The following UNC80 variants were observed in gnomAD, a reference collection of about 807,000 sequenced individuals.
UNC80 encodes protein unc-80 homolog.
A neutral mutation model predicts 384.6 loss-of-function variants in UNC80; 164 were observed. That is an observed-to-expected ratio of 0.43 (90% confidence interval 0.38 to 0.49). The LOEUF (loss-of-function observed/expected upper bound fraction) is 0.49. Ranked by LOEUF, UNC80 falls within the 20% of genes least tolerant of loss-of-function variation. The probability of loss-of-function intolerance (pLI) is 0.00; values close to 1 mark genes in which losing one functional copy is unlikely to be tolerated. For missense variants in UNC80, 3,330 were observed against 4,143.0 expected, an observed-to-expected ratio of 0.80 and a Z score of 5.39; for synonymous variants, 1,486 against 1,527.8, an observed-to-expected ratio of 0.97 and a Z score of 0.64.
intron 23 of UNC80, among the ~76,000 whole-genome samples, chr2:209,877,128 C>A (rs1042963093): frequency 1.6e-4 from 24 of 152,124 alleles, no homozygotes; most frequent in African/African-American, 5.8e-4. Context: ...TTAACTTTTT[C>A]TCTCTCACTC....
intron 7 of UNC80, among the ~76,000 whole-genome samples, chr2:209,806,691 C>T (rs2078922700): frequency 6.6e-6 from 1 of 152,228 alleles, no homozygotes; most frequent in Non-Finnish European, 1.5e-5. Context: ...CAAAAGCTGT[C>T]TGCATGTATC....
chr2:209,811,570 A>T (rs12694188), intron 7 of UNC80, among the ~76,000 whole-genome samples: 76,447 of 152,022 alleles, frequency 0.5, 20,693 homozygotes, highest in East Asian at 0.61. Context: ...CACAAAACGG[A>T]TGTCCAAAGA....
intron 27 of UNC80, among the ~76,000 whole-genome samples, chr2:209,894,992 A>C (rs1162017812): frequency 1.3e-5 from 2 of 152,218 alleles, no homozygotes; most frequent in African/African-American, 2.4e-5. Context: ...TCTTGCCTAC[A>C]ATGCAAGGAT....
intron 59 of UNC80, among the ~76,000 whole-genome samples, chr2:209,980,644 G>A (rs958053918): frequency 3.3e-5 from 5 of 152,176 alleles, no homozygotes; most frequent in African/African-American, 9.7e-5. Context: ...CTTGTATTAA[G>A]GCCTATCGGG....
At chr2:209,966,694 C>T (rs1258449261) in intron 51 of UNC80, among the ~76,000 whole-genome samples, 1 of 152,202 alleles carries the variant, frequency 6.6e-6, no homozygotes, top group Non-Finnish European at 1.5e-5. Flanking sequence ...CCTGGGCCAA[C>T]CTTGAGAGAA....
chr2:209,908,971 A>G (rs2088595428), intron 29 of UNC80, among the ~76,000 whole-genome samples: 1 of 152,166 alleles, frequency 6.6e-6, no homozygotes, highest in Non-Finnish European at 1.5e-5. Flanking sequence ...CAAATTTTAA[A>G]CACCTTATTA....
In UNC80 at chr2:209,820,334, T is replaced by G. The variant is rs755628377; in HGVS notation, c.1986T>G (p.Leu662=). 2 of 1,547,270 alleles carry G rather than the reference T, an allele frequency of 1.3e-6. No individual in the cohort carries two copies. Among genetic ancestry groups the G allele is most frequent in the South Asian group, 2.4e-5 (2 of 83,078 alleles). The change falls in exon 13 of 65, where the codon CTT becomes CTG. Residue 662 remains leucine, a synonymous_variant. Transcript: ENST00000673920. ...AGGTAGTTCTGAAGGCTGTTTATCT[T>G]GTCCTTAATCATGACATCAGCTCTC... ...DLSVVLKAVY[L]VLNHDISSRI... is the part of the protein sequence containing the mutation.
Position 209,931,971 on chromosome 2 carries a change from A to G in UNC80, c.5994+917A>G, listed in dbSNP as rs78703781. 9.5e-3 allele frequency among the ~76,000 whole-genome samples: 1,454 copies of G among 152,258 alleles called. 8 individuals carry two copies. Among genetic ancestry groups the G allele is most frequent in the Non-Finnish European group, 0.015 (994 of 68,012 alleles). On this transcript the variant is annotated intron_variant, in intron 38 of 64. Coordinates refer to ENST00000673920, the MANE Select transcript of UNC80 (RefSeq NM_001371986.1). ...TCCTTCACACTGCTTTTGTCTCTAT[A>G]GCTATGTGGAGTTGGGAAGAAAAAA...
rs1185151983 is a variant in UNC80, at chr2:209,959,460, C to T, written c.7587-29C>T. Reference sequence around the variant, plus strand: ...GCTGCTACATGAATACATTTTCAGACCCCTAGTTAATCTTTCACAATTTCC... The same window carrying T: ...GCTGCTACATGAATACATTTTCAGATCCCTAGTTAATCTTTCACAATTTCC... On this transcript the variant is annotated intron_variant, in intron 50 of 64. Transcript: ENST00000673920. The T allele has an allele frequency of 7.1e-6, 11 of 1,541,572 alleles. No homozygotes were observed. In the Admixed American group the frequency reaches 2.0e-4, roughly 28 times the overall value.
chr2:209,965,689 G>A (rs990063322), intron 51 of UNC80, among the ~76,000 whole-genome samples: 2 of 151,920 alleles, frequency 1.3e-5, no homozygotes, highest in African/African-American at 4.8e-5. Context: ...CCAAAGTGCT[G>A]GGATTACAGG....
intron 21 of UNC80, among the ~76,000 whole-genome samples, chr2:209,844,500 C>T (rs373120147): frequency 0.13 from 9,355 of 73,698 alleles, 321 homozygotes; most frequent in East Asian, 0.24. Context: ...TCCTTCCTTC[C>T]TTCCTTCCTT....
chr2:209,941,566 C>T lies in UNC80; in HGVS notation c.6915+77C>T. ...ATCTAGCCGTTCAACTAGATCTATACTGAAACTTTTTAATGATGGTGTTAT... is the reference window on the plus strand; with the variant it reads ...ATCTAGCCGTTCAACTAGATCTATATTGAAACTTTTTAATGATGGTGTTAT... On this transcript the variant is annotated intron_variant, in intron 44 of 64. Coordinates refer to ENST00000673920, the MANE Select transcript of UNC80 (RefSeq NM_001371986.1). 4 of 1,341,930 alleles carry T rather than the reference C, an allele frequency of 3.0e-6. No homozygotes were observed. The South Asian group carries it at 8.0e-5, about 27-fold the overall frequency. The allele number at this position is 1,341,930 out of a possible 1,614,324, so 83.1% of individuals were successfully genotyped here.
intron 33 of UNC80, among the ~76,000 whole-genome samples, chr2:209,919,394 A>G (rs958434179): frequency 3.3e-5 from 5 of 152,200 alleles, no homozygotes; most frequent in African/African-American, 1.2e-4. Flanking sequence ...ATTTATGGCA[A>G]TAATAAAATA....
In UNC80 at chr2:209,976,501, C is replaced by T. The variant is rs898355592; in HGVS notation, c.8772+198C>T. On this transcript the variant is annotated intron_variant, in intron 57 of 64. Coordinates refer to ENST00000673920, the MANE Select transcript of UNC80 (RefSeq NM_001371986.1). The surrounding 1 kb of genome is among the most constrained non-coding windows in gnomAD (Gnocchi z 4.3). ...AAATTTCACACTAGAAATGCCTTCACAGTAAGAGCTTTGTTGGAGTCTGTA... is the reference window on the plus strand; with the variant it reads ...AAATTTCACACTAGAAATGCCTTCATAGTAAGAGCTTTGTTGGAGTCTGTA... Among the ~76,000 whole-genome samples the T allele has an allele frequency of 4.6e-5, 7 of 152,148 alleles. No individual in the cohort carries two copies. The highest frequency in any genetic ancestry group is 1.7e-4 in the African/African-American group (7 of 41,418).
chr2:209,925,410 G>A (rs1339326302), intron 35 of UNC80, among the ~76,000 whole-genome samples: 6 of 152,154 alleles, frequency 3.9e-5, no homozygotes, highest in African/African-American at 9.7e-5. Flanking sequence ...AAGGTAATGC[G>A]GACCCAAAGA....
Position 209,831,524 on chromosome 2 carries a change from C to T in UNC80, c.2708C>T (p.Ala903Val). 1 of 1,551,328 alleles carries T rather than the reference C, an allele frequency of 6.4e-7. No homozygotes were observed. Among genetic ancestry groups the T allele is most frequent in the East Asian group, 2.4e-5 (1 of 40,894 alleles). ...AQNVEGIIVS[A>V]MFKSLITRCA... ...AATGTGGAAGGCATTATCGTCAGCG[C>T]CATGTTTAAATCCCTCATCACACGC... Residue 903 changes from alanine (A) to valine (V), a missense_variant, in exon 16 of 65, where the codon GCC becomes GTC. Ala to Val is a moderately conservative substitution (Grantham distance 64, BLOSUM62 0). Coordinates refer to ENST00000673920, the MANE Select transcript of UNC80 (RefSeq NM_001371986.1).
intron 7 of UNC80, among the ~76,000 whole-genome samples, chr2:209,800,585 T>G (rs2153826249): frequency 6.6e-6 from 1 of 152,274 alleles, no homozygotes; most frequent in South Asian, 2.1e-4. Context: ...TAGTTATTTC[T>G]TGTCTTCTGC....
At chr2:209,801,180 G>C (rs1297692653) in intron 7 of UNC80, among the ~76,000 whole-genome samples, 2 of 151,932 alleles carry the variant, frequency 1.3e-5, no homozygotes, top group Non-Finnish European at 2.9e-5. Flanking sequence ...ATTACTGTTT[G>C]GGAGTCTAAG....
intron 16 of UNC80, among the ~76,000 whole-genome samples, chr2:209,832,749 C>A (rs2081070430): frequency 6.6e-6 from 1 of 152,132 alleles, no homozygotes; most frequent in Non-Finnish European, 1.5e-5. Flanking sequence ...GCTTATACAT[C>A]TTTTTTTACA....
Sources: gnomAD v4.1 joint callset for allele counts (sites outside exome capture counted in the v4.1 genomes callset) on GRCh38, gnomAD v4.1.1 for gene constraint, Gnocchi (gnomAD v3.1) non-coding constraint, MANE v1.5 for transcripts, NCBI Gene and HGNC (gene_info 2026-07-23, HGNC 2026-07-21) for gene names.